The following PBX4 variants were observed in gnomAD, a reference collection of about 807,000 sequenced individuals.
The protein encoded by PBX4 is PBX homeobox 4, also known as pre-B-cell leukemia transcription factor 4.
Under a neutral mutation model 35.1 loss-of-function variants are expected in PBX4, and 26 were observed. That is an observed-to-expected ratio of 0.74 (90% CI 0.54 to 1.03). The LOEUF is 1.03. Ranked by LOEUF, PBX4 falls within the 50% of genes least tolerant of loss-of-function variation. The probability of loss-of-function intolerance (pLI) is 0.00; values close to 1 mark genes in which losing one functional copy is unlikely to be tolerated. For missense variants in PBX4, 448 were observed against 504.3 expected (o/e 0.89, Z 1.07); for synonymous variants, 199 against 204.2 (o/e 0.97, Z 0.22).
intron 2 of PBX4, among the ~76,000 whole-genome samples, chr19:19,578,227 T>C (rs115042233): frequency 9.2e-5 from 14 of 151,988 alleles, no homozygotes; most frequent in African/African-American, 3.4e-4. Context: ...ATATATGTGT[T>C]ATAAGCAAAA....
chr19:19,601,359 A>T (rs574234838), intron 1 of PBX4, among the ~76,000 whole-genome samples: 1 of 152,182 alleles, frequency 6.6e-6, no homozygotes, highest in Non-Finnish European at 1.5e-5. Flanking sequence ...TGAGGGAGAG[A>T]GCTACGAGAA....
intron 1 of PBX4, among the ~76,000 whole-genome samples, chr19:19,612,735 CG>C (rs1318202378): frequency 6.6e-6 from 1 of 152,116 alleles, no homozygotes; most frequent in Non-Finnish European, 1.5e-5. Context: ...ATAAAAGCCC[CG>C]GGGGTCATCC....
intron 2 of PBX4, among the ~76,000 whole-genome samples, chr19:19,579,644 A>T (rs1396748378): frequency 1.3e-5 from 2 of 152,190 alleles, no homozygotes; most frequent in African/African-American, 4.8e-5. Context: ...CCATGGATTA[A>T]ATCAGATGCC....
chr19:19,596,322 G>A (rs2061560643), intron 2 of PBX4, among the ~76,000 whole-genome samples: 1 of 151,686 alleles, frequency 6.6e-6, no homozygotes, highest in Admixed American at 6.6e-5. Context: ...CTGGGAGGCT[G>A]AGATTGCACC....
intron 2 of PBX4, among the ~76,000 whole-genome samples, chr19:19,588,815 G>A (rs937388586): frequency 6.6e-6 from 1 of 152,166 alleles, no homozygotes; most frequent in African/African-American, 2.4e-5. Context: ...ACTCTAAAAA[G>A]AATTTCCCAA....
Position 19,569,599 on chromosome 19 carries a change from G to A in PBX4, c.633-15C>T, listed in dbSNP as rs558048376. 3.8e-5 allele frequency: 62 copies of A among 1,611,560 alleles called. No individual in the cohort carries two copies. The East Asian group carries it at 4.7e-4, about 12-fold the overall frequency. ...GCCGCTTGCGCCTGCAAAAACAGCC[G>A]CCTTCGTAGGCATTAATATGCTGGG... On this transcript the variant is annotated splice_polypyrimidine_tract_variant and intron_variant, in intron 4 of 7. Transcript: ENST00000251203.
chr19:19,587,592 T>TA (rs34647983), intron 2 of PBX4, among the ~76,000 whole-genome samples: 19,415 of 90,588 alleles, frequency 0.21, 2,351 homozygotes, highest in East Asian at 0.29. Flanking sequence ...CGTCTCAAAT[T>TA]AAAAAAAAAA....
chr19:19,585,595 C>G (rs141832619), intron 2 of PBX4, among the ~76,000 whole-genome samples: 1 of 152,192 alleles, frequency 6.6e-6, no homozygotes. Flanking sequence ...GTGACCTGCA[C>G]GTATACATCC....
intron 2 of PBX4, among the ~76,000 whole-genome samples, chr19:19,583,577 C>T (rs1486318163): frequency 3.3e-5 from 5 of 152,104 alleles, no homozygotes; most frequent in African/African-American, 9.7e-5. Flanking sequence ...CGCCACTGCA[C>T]TCCAGCCAGT....
intron 1 of PBX4, among the ~76,000 whole-genome samples, chr19:19,603,262 C>T (rs184968704): frequency 2.0e-5 from 3 of 152,080 alleles, no homozygotes; most frequent in Admixed American, 6.6e-5. Flanking sequence ...AAACAAATCC[C>T]GGGTACAAAG....
At position 19,570,774 on chromosome 19, in the gene PBX4, C is replaced by T. The variant is rs754029172; in HGVS notation, c.253G>A (p.Asp85Asn). ...DPPDAQLLRL[D>N]NMLLAEGVCR... is the part of the protein sequence containing the mutation. ...ACGCCCTCAGCCAGCAGCATGTTATCCAGCCTCAGGAGCTGGGCGTCAGGG... is the reference window on the plus strand; with the variant it reads ...ACGCCCTCAGCCAGCAGCATGTTATTCAGCCTCAGGAGCTGGGCGTCAGGG... Residue 85 changes from aspartate (D) to asparagine (N), a missense_variant, in exon 3 of 8, where the codon GAT becomes AAT. By Grantham distance (23) the Asp-to-Asn change is conservative. Coordinates refer to ENST00000251203, the MANE Select transcript of PBX4 (RefSeq NM_025245.3). 1.5e-5 allele frequency: 25 copies of T among 1,614,014 alleles called. No individual in the cohort carries two copies. The highest frequency in any genetic ancestry group is 1.4e-5 in the Non-Finnish European group (16 of 1,180,042).
chr19:19,586,434 A>G (rs898243593), intron 2 of PBX4, among the ~76,000 whole-genome samples: 2 of 151,990 alleles, frequency 1.3e-5, no homozygotes, highest in African/African-American at 4.8e-5. Flanking sequence ...ATAAACAAAC[A>G]ATTATATGAG....
chr19:19,584,560 TC>T (rs1217200899), intron 2 of PBX4, among the ~76,000 whole-genome samples: 1 of 150,078 alleles, frequency 6.7e-6, no homozygotes, highest in Non-Finnish European at 1.5e-5. Flanking sequence ...ATGGACAACT[TC>T]CCCTCCCCTC....
chr19:19,576,013 A>C (rs904344107), intron 2 of PBX4, among the ~76,000 whole-genome samples: 1 of 152,320 alleles, frequency 6.6e-6, no homozygotes, highest in Admixed American at 6.5e-5. Flanking sequence ...TGGCACATGC[A>C]GTGTAATGAG....
chr19:19,599,082 C>A (rs149132827), intron 2 of PBX4, among the ~76,000 whole-genome samples: 2,266 of 152,176 alleles, frequency 0.015, 78 homozygotes, highest in South Asian at 0.076. Context: ...GATTCTCCTA[C>A]CTTAGCCCCC....
chr19:19,618,630 G>C lies in PBX4; in HGVS notation c.-1C>G, dbSNP rs768977682. 14 of 1,235,148 alleles carry C rather than the reference G, an allele frequency of 1.1e-5. No individual in the cohort carries two copies. The East Asian group carries it at 4.3e-4, about 38-fold the overall frequency. The allele number at this position is 1,235,148 out of a possible 1,614,324, so 76.5% of individuals were successfully genotyped here. On this transcript the variant is annotated 5_prime_UTR_variant, in exon 1 of 8. Transcript: ENST00000251203. ...GCGCGGGGCGCGGCGGGGCGGCCAT[G>C]AGCGGCAGGGCCGGGCGGGCGCTGT...
Position 19,587,687 on chromosome 19 carries a change from A to AG in PBX4, c.193+11604dup, listed in dbSNP as rs568543594. Among the ~76,000 whole-genome samples, 551 of 150,984 alleles carry AG rather than the reference A, an allele frequency of 3.6e-3. 3 individuals are homozygous for AG. The highest frequency in any genetic ancestry group is 0.013 in the African/African-American group (523 of 41,152). On this transcript the variant is annotated intron_variant, in intron 2 of 7. Transcript: ENST00000251203. Reference sequence around the variant, plus strand: ...AAGGTTCCTCAAGGACAGCTGCCACAGAGCTGCTGCAAGAACATGTTTTCC... The same window carrying AG: ...AAGGTTCCTCAAGGACAGCTGCCACAGGAGCTGCTGCAAGAACATGTTTTCC...
In PBX4 at chr19:19,618,603, T is replaced by TGGCGCGG. The variant is rs1383287800; in HGVS notation, c.20_26dup (p.Ser10ArgfsTer52). On this transcript the variant is annotated frameshift_variant, in exon 1 of 8. Transcript: ENST00000251203. LOFTEE classifies it high-confidence loss of function. ...CGAGGCGCCGCGGGGCGGGGGGCGATGGCGCGGGGCGCGGCGGGGCGGCCA... is the reference window on the plus strand; with the variant it reads ...CGAGGCGCCGCGGGGCGGGGGGCGATGGCGCGGGGCGCGGGGCGCGGCGGGGCGGCCA... 14 of 1,274,994 alleles carry TGGCGCGG rather than the reference T, an allele frequency of 1.1e-5. No individual in the cohort carries two copies. Among genetic ancestry groups the TGGCGCGG allele is most frequent in the Non-Finnish European group, 1.2e-5 (12 of 1,009,092 alleles). 79.0% of individuals were successfully genotyped at this position (1,274,994 alleles called of 1,614,324 possible). A position where few individuals can be genotyped will look rare whatever the true frequency, so the allele number is the denominator to read the frequency against.
At chr19:19,599,080 T>C (rs1337511305) in intron 2 of PBX4, among the ~76,000 whole-genome samples, 1 of 152,030 alleles carries the variant, frequency 6.6e-6, no homozygotes, top group Non-Finnish European at 1.5e-5. Context: ...GCGATTCTCC[T>C]ACCTTAGCCC....
Sources: gnomAD v4.1 joint callset for allele counts (sites outside exome capture counted in the v4.1 genomes callset) on GRCh38, gnomAD v4.1.1 for gene constraint, MANE v1.5 for transcripts, NCBI Gene and HGNC (gene_info 2026-07-23, HGNC 2026-07-21) for gene names.